The following POT1 variants were observed in gnomAD, a reference collection of about 807,000 sequenced individuals.
POT1 encodes protection of telomeres 1.
In POT1, 47 loss-of-function variants were observed where a neutral mutation model predicts 78.5. That is an observed-to-expected ratio of 0.60 (90% confidence interval 0.47 to 0.76). POT1 has a LOEUF of 0.76. Ranked by LOEUF, POT1 falls within the 30% of genes least tolerant of loss-of-function variation. The probability of loss-of-function intolerance (pLI) is 0.00; values close to 1 mark genes in which losing one functional copy is unlikely to be tolerated. For missense variants in POT1, 646 were observed against 749.9 expected (o/e 0.86, Z 1.62); for synonymous variants, 259 against 260.7 (o/e 0.99, Z 0.06).
At chr7:124,897,309 A>G (rs1405821211) in intron 4 of POT1, 97 bp from the exon 5 acceptor site, 3 of 418,106 alleles carry the variant, frequency 7.2e-6, no homozygotes, top group Non-Finnish European at 1.3e-5. Context: ...TACTTGTAAA[A>G]TATTCAAATT....
chr7:124,877,387 AATAC>A (rs1796013099), intron 6 of POT1, among the ~76,000 whole-genome samples: 1 of 152,188 alleles, frequency 6.6e-6, no homozygotes, highest in Non-Finnish European at 1.5e-5. Flanking sequence ...ATTCTCCAGC[AATAC>A]AATGGGAAAA....
At position 124,850,689 on chromosome 7, in the gene POT1, C is replaced by T. The variant is rs189108915; in HGVS notation, c.949+1183G>A. Among the ~76,000 whole-genome samples the T allele has an allele frequency of 1.7e-3, 258 of 151,858 alleles. 3 individuals carry two copies. Among genetic ancestry groups the T allele is most frequent in the Non-Finnish European group, 2.8e-3 (189 of 67,950 alleles). ...GAGCTTGCAGTGAGCAGAGATCGCG[C>T]TAGCCACACTCCAGCCTGGGAGACA... On this transcript the variant is annotated intron_variant, in intron 11 of 18. Transcript: ENST00000357628.
intron 6 of POT1, among the ~76,000 whole-genome samples, chr7:124,873,514 A>G (rs1176099151): frequency 6.6e-6 from 1 of 152,144 alleles, no homozygotes; most frequent in Non-Finnish European, 1.5e-5. Context: ...TATTCTGTTG[A>G]GGATTTTTGC....
intron 5 of POT1, among the ~76,000 whole-genome samples, chr7:124,896,911 A>G (rs953360672): frequency 6.6e-6 from 1 of 151,824 alleles, no homozygotes; most frequent in Non-Finnish European, 1.5e-5. Flanking sequence ...TTTCTTGTGT[A>G]TGTATAGCTT....
chr7:124,852,410 T>C (rs913576543), intron 10 of POT1, among the ~76,000 whole-genome samples: 2 of 152,172 alleles, frequency 1.3e-5, no homozygotes, highest in African/African-American at 4.8e-5. Flanking sequence ...TTTTTTAAAT[T>C]TCTAGAATAT....
chr7:124,851,103 C>T lies in POT1; in HGVS notation c.949+769G>A, dbSNP rs570321264. Among the ~76,000 whole-genome samples the T allele has an allele frequency of 1.8e-4, 28 of 152,018 alleles. No individual in the cohort carries two copies. The South Asian group carries it at 5.6e-3, about 30-fold the overall frequency. On this transcript the variant is annotated intron_variant, in intron 11 of 18. Coordinates refer to ENST00000357628, the MANE Select transcript of POT1 (RefSeq NM_015450.3). ...AGTCTGGGCAACATATAGTGAGATC[C>T]TGTTTCTACCAAAAAATAAAAAATT... is the stretch of plus-strand genomic sequence containing the variant.
intron 6 of POT1, among the ~76,000 whole-genome samples, chr7:124,875,594 G>A (rs117074595): frequency 3.3e-4 from 51 of 152,242 alleles, no homozygotes; most frequent in Non-Finnish European, 5.7e-4. Flanking sequence ...GAAGCTAAAT[G>A]CAAAACAGCA....
intron 6 of POT1, among the ~76,000 whole-genome samples, chr7:124,887,695 T>C (rs1001808553): frequency 2.0e-5 from 3 of 152,088 alleles, no homozygotes; most frequent in African/African-American, 7.2e-5. Context: ...TATCTTAAAA[T>C]TGACAGTTAA....
At chr7:124,854,776 G>C (rs1454730100) in intron 9 of POT1, among the ~76,000 whole-genome samples, 2 of 151,792 alleles carry the variant, frequency 1.3e-5, no homozygotes, top group Admixed American at 1.3e-4. Flanking sequence ...AGTCTTCAAA[G>C]TGAGACATTG....
At chr7:124,861,799 TCTACTTTCAGTTTACTGCATATGG>T (rs1795604523) in intron 8 of POT1, among the ~76,000 whole-genome samples, 1 of 152,130 alleles carries the variant, frequency 6.6e-6, no homozygotes, top group Non-Finnish European at 1.5e-5. Context: ...AAGGAAGGGG[TCTACTTTCAGTTTACTGCATATGG>T]CTAGCCAGTC....
At position 124,846,955 on chromosome 7, in the gene POT1, C is replaced by T; in HGVS notation, c.993G>A (p.Gln331=). ...ACATAGTCTTACTTGTAGCAGATAG[C>T]TGTTGACATCTTTCTACCTCGTATA... ...VSLYEVERCQ[Q]LSATILTDHQ... Residue 331 remains glutamine (Q), a synonymous_variant, in exon 12 of 19, where the codon CAG becomes CAA. Transcript: ENST00000357628. 6.2e-7 allele frequency: 1 copy of T among 1,602,666 alleles called. No homozygotes were observed. The highest frequency in any genetic ancestry group is 1.1e-5 in the South Asian group (1 of 90,758).
chr7:124,903,488 C>T (rs1052772780), intron 3 of POT1, among the ~76,000 whole-genome samples: 2 of 152,236 alleles, frequency 1.3e-5, no homozygotes, highest in African/African-American at 4.8e-5. Flanking sequence ...AGAACAAAGA[C>T]ACAACATACC....
At chr7:124,845,450 A>T (rs980871445) in intron 12 of POT1, among the ~76,000 whole-genome samples, 1 of 152,192 alleles carries the variant, frequency 6.6e-6, no homozygotes. Context: ...AATAATGCGT[A>T]AGTGATACTG....
intron 7 of POT1, among the ~76,000 whole-genome samples, chr7:124,869,770 A>T (rs1245300262): frequency 6.6e-6 from 1 of 152,026 alleles, no homozygotes; most frequent in Non-Finnish European, 1.5e-5. Flanking sequence ...TAGTAGAGAC[A>T]GGGTTTCTCC....
chr7:124,892,418 G>A, intron 5 of POT1, 38 bp from the exon 6 acceptor site: 3 of 997,552 alleles, frequency 3.0e-6, no homozygotes, highest in Non-Finnish European at 4.3e-6. Flanking sequence ...TTTATACAAA[G>A]TATTTACATT....
At chr7:124,926,394 C>A (rs1399617276) in intron 2 of POT1, among the ~76,000 whole-genome samples, 1 of 152,066 alleles carries the variant, frequency 6.6e-6, no homozygotes, top group Non-Finnish European at 1.5e-5. Flanking sequence ...GAAATATCAC[C>A]TTACACCAAT....
At chr7:124,831,294 T>C (rs907917015) in intron 15 of POT1, among the ~76,000 whole-genome samples, 3 of 152,210 alleles carry the variant, frequency 2.0e-5, no homozygotes, top group Non-Finnish European at 4.4e-5. Flanking sequence ...GCAAAACTTA[T>C]ATACACCTTA....
chr7:124,926,739 T>C (rs573227087), intron 2 of POT1, among the ~76,000 whole-genome samples: 1 of 152,240 alleles, frequency 6.6e-6, no homozygotes, highest in Non-Finnish European at 1.5e-5. Context: ...CAATACTATT[T>C]AGACATTAAA....
chr7:124,860,974 T>C (rs1167561321), intron 8 of POT1, among the ~76,000 whole-genome samples: 2 of 146,788 alleles, frequency 1.4e-5, no homozygotes, highest in Non-Finnish European at 3.1e-5. Flanking sequence ...CCAGGGTGTA[T>C]ATGTGCCACA....
Sources: gnomAD v4.1 joint callset for allele counts (sites outside exome capture counted in the v4.1 genomes callset) on GRCh38, gnomAD v4.1.1 for gene constraint, MANE v1.5 for transcripts, NCBI Gene and HGNC (gene_info 2026-07-23, HGNC 2026-07-21) for gene names.